TNFRSF1A: variants seen among roughly 807,000 people sequenced by gnomAD.
The protein encoded by TNFRSF1A is TNF receptor superfamily member 1A.
Under a neutral mutation model 41.6 loss-of-function variants are expected in TNFRSF1A, and 9 were observed. The ratio of observed to expected loss-of-function variants is 0.22; its 90% CI spans 0.13 to 0.38. The LOEUF (loss-of-function observed/expected upper bound fraction) is 0.38, where lower values mean the gene tolerates loss of function less well. Ranked by LOEUF, TNFRSF1A falls within the 10% of genes least tolerant of loss-of-function variation. The pLI is 1.00. For synonymous variants in TNFRSF1A, 254 were observed against 248.6 expected (o/e 1.02, Z -0.21); for missense variants, 463 against 591.5 (o/e 0.78, Z 2.25).
intron 1 of TNFRSF1A, among the ~76,000 whole-genome samples, chr12:6,335,224 C>T (rs143351348): frequency 5.9e-5 from 9 of 152,118 alleles, no homozygotes; most frequent in Admixed American, 3.9e-4. Context: ...TACAAACACC[C>T]GGGGTTGGCA....
At position 6,341,682 on chromosome 12, in the gene TNFRSF1A, G is replaced by T; in HGVS notation, c.39+94C>A. On this transcript the variant is annotated intron_variant, in intron 1 of 9. Transcript: ENST00000162749. The surrounding 1 kb of genome is among the most constrained non-coding windows in gnomAD (Gnocchi z 4.6). Reference sequence around the variant, plus strand: ...AGGCTGGCGCCAGGACCAGGCCCGGGCAGGAGAGGCTCGGCCCCCTCCCGG... The same window carrying T: ...AGGCTGGCGCCAGGACCAGGCCCGGTCAGGAGAGGCTCGGCCCCCTCCCGG... 3.4e-6 allele frequency: 5 copies of T among 1,456,100 alleles called. No individual in the cohort carries two copies. The highest frequency in any genetic ancestry group is 2.9e-6 in the Non-Finnish European group (3 of 1,049,038). The allele number at this position is 1,456,100 out of a possible 1,614,324, so 90.2% of individuals were successfully genotyped here.
At position 6,334,185 on chromosome 12, in the gene TNFRSF1A, G is replaced by A. The variant is rs200063423; in HGVS notation, c.99C>T (p.His33=). ...TATCTCTCTTCTCCCTGTCCCCTAG[G>A]TGAGGGACCAGTCCAATAACCCCTG... ...YPSGVIGLVP[H]LGDREKRDSV... is the part of the protein sequence containing the mutation. The change falls in exon 2 of 10, where the codon CAC becomes CAT. Residue 33 remains histidine, a synonymous_variant. Coordinates refer to ENST00000162749, the MANE Select transcript of TNFRSF1A (RefSeq NM_001065.4). The surrounding 1 kb of genome is among the most constrained non-coding windows in gnomAD (Gnocchi z 5.1). 1 of 1,613,920 alleles carries A rather than the reference G, an allele frequency of 6.2e-7. No homozygotes were observed. Among genetic ancestry groups the A allele is most frequent in the Non-Finnish European group, 8.5e-7 (1 of 1,179,934 alleles).
At chr12:6,330,792 G>A (rs56190104) in intron 6 of TNFRSF1A, 61 bp downstream of exon 6, 23 of 1,582,688 alleles carry the variant, frequency 1.5e-5, no homozygotes, top group Admixed American at 8.3e-5. Context: ...ATGGATGGAC[G>A]GGTGGGGGCA....
rs200086305 is a variant in TNFRSF1A at position 6,329,189 on chromosome 12, A to G, written c.*123T>C. 6 of 952,836 alleles carry G rather than the reference A, an allele frequency of 6.3e-6. No individual in the cohort carries two copies. In the African/African-American group the frequency reaches 1.0e-4, roughly 16 times the overall value. 59.0% of individuals were successfully genotyped at this position (952,836 alleles called of 1,614,324 possible). A position where few individuals can be genotyped will look rare whatever the true frequency, so the allele number is the denominator to read the frequency against. On this transcript the variant is annotated 3_prime_UTR_variant, in exon 10 of 10. Transcript: ENST00000162749. ...GAAAAGCTATGTACATCGAGGGGTT[A>G]GCACCAAGTAGGCGGCTGCTAGCTC...
rs202199529 is a variant in TNFRSF1A at position 6,341,931 on chromosome 12, C to T, written c.-117G>A. 1 of 1,110,152 alleles carries T rather than the reference C, an allele frequency of 9.0e-7. No homozygotes were observed. The highest frequency in any genetic ancestry group is 1.4e-6 in the Non-Finnish European group (1 of 734,568). The allele number at this position is 1,110,152 out of a possible 1,614,324, so 68.8% of individuals were successfully genotyped here. On this transcript the variant is annotated 5_prime_UTR_variant, in exon 1 of 10. Transcript: ENST00000162749. This position sits in a 1 kb window ranked among gnomAD's most constrained non-coding sequence, Gnocchi z 4.6. ...GGACGTCCCAAGTGCCTTGGGGTGACAGTTGAGGGTTGAGACTCGGGCATA... is the reference window on the plus strand; with the variant it reads ...GGACGTCCCAAGTGCCTTGGGGTGATAGTTGAGGGTTGAGACTCGGGCATA...
Position 6,333,258 on chromosome 12 carries a change from TC to T in TNFRSF1A, c.472+108del, listed in dbSNP as rs749463891. 1.4e-4 allele frequency: 211 copies of T among 1,553,128 alleles called. 3 individuals carry two copies. The highest frequency in any genetic ancestry group is 4.6e-5 in the Non-Finnish European group (52 of 1,136,360). On this transcript the variant is annotated intron_variant, in intron 4 of 9. Coordinates refer to ENST00000162749, the MANE Select transcript of TNFRSF1A (RefSeq NM_001065.4). The surrounding 1 kb of genome is among the most constrained non-coding windows in gnomAD (Gnocchi z 6.3). ...GGGGCGGCCAGAGAGGAGTTGGTTG[TC>T]AGACCCACAGAATACAGGAGGGGGA...
At chr12:6,332,433 CAA>C (rs34324660) in intron 5 of TNFRSF1A, among the ~76,000 whole-genome samples, 3 of 39,732 alleles carry the variant, frequency 7.6e-5, no homozygotes, top group Non-Finnish European at 1.5e-4. Flanking sequence ...AACCCTGTCT[CAA>C]AAAAAAAAAA....
rs774924117 is a variant in TNFRSF1A, at chr12:6,334,290, A to G, written c.40-46T>C. On this transcript the variant is annotated intron_variant, in intron 1 of 9. Coordinates refer to ENST00000162749, the MANE Select transcript of TNFRSF1A (RefSeq NM_001065.4). This position sits in a 1 kb window ranked among gnomAD's most constrained non-coding sequence, Gnocchi z 5.1. ...GGAGACACCATCAAGAGAGGGAGGG[A>G]TGGGAAGCTTAGGGGTAGCAGATCT... 4 of 1,581,990 alleles carry G rather than the reference A, an allele frequency of 2.5e-6. No homozygotes were observed. The highest frequency in any genetic ancestry group is 3.5e-6 in the Non-Finnish European group (4 of 1,154,966).
At position 6,341,748 on chromosome 12, in the gene TNFRSF1A, C is replaced by T. The variant is rs1948198092; in HGVS notation, c.39+28G>A. On this transcript the variant is annotated intron_variant, in intron 1 of 9. Transcript: ENST00000162749. This position sits in a 1 kb window ranked among gnomAD's most constrained non-coding sequence, Gnocchi z 4.6. Reference sequence around the variant, plus strand: ...GCCGGAAGGTGCCTCGCCCACCAGCCCACTCTTCCCTTTGTCCCTGGTCTC... The same window carrying T: ...GCCGGAAGGTGCCTCGCCCACCAGCTCACTCTTCCCTTTGTCCCTGGTCTC... 6.2e-7 allele frequency: 1 copy of T among 1,613,692 alleles called. No individual in the cohort carries two copies.
chr12:6,331,783 G>A (rs1343593999), intron 5 of TNFRSF1A: 1 of 167,126 alleles, frequency 6.0e-6, no homozygotes, highest in African/African-American at 2.4e-5. Flanking sequence ...AGAGGCAGGT[G>A]GATCACCAGG....
In TNFRSF1A at chr12:6,329,532, T is replaced by C; in HGVS notation, c.1148A>G (p.His383Arg). 1 of 1,594,566 alleles carries C rather than the reference T, an allele frequency of 6.3e-7. No homozygotes were observed. Among genetic ancestry groups the C allele is most frequent in the Non-Finnish European group, 8.5e-7 (1 of 1,177,884 alleles). ...EFVRRLGLSD[H>R]EIDRLELQNG... ...CTGCAGCTCCAGCCGATCGATCTCG[T>C]GGTCGCTCAGCCCTAGGCGCCGCAC... The change falls in exon 10 of 10, where the codon CAC becomes CGC. Residue 383 changes from histidine (H) to arginine (R), a missense_variant. His to Arg is a conservative substitution (Grantham distance 29). This residue lies in a region of TNFRSF1A where 277 missense variants were observed against 288.8 expected (regional missense o/e 0.96). Transcript: ENST00000162749.
Position 6,333,165 on chromosome 12 carries a change from G to A in TNFRSF1A, c.473-18C>T. On this transcript the variant is annotated intron_variant, in intron 4 of 9. Coordinates refer to ENST00000162749, the MANE Select transcript of TNFRSF1A (RefSeq NM_001065.4). The surrounding 1 kb of genome is among the most constrained non-coding windows in gnomAD (Gnocchi z 6.3). ...CTCCTGGCCTGTAGGGAGAAGTGCG[G>A]CACAGCTAAAGGAGAAGCGCCTGCA... The A allele has an allele frequency of 6.2e-7, 1 of 1,613,436 alleles. No homozygotes were observed. Among genetic ancestry groups the A allele is most frequent in the Non-Finnish European group, 8.5e-7 (1 of 1,179,402 alleles).
Position 6,337,086 on chromosome 12 carries a change from C to T in TNFRSF1A, c.40-2842G>A, listed in dbSNP as rs1349791647. On this transcript the variant is annotated intron_variant, in intron 1 of 9. Coordinates refer to ENST00000162749, the MANE Select transcript of TNFRSF1A (RefSeq NM_001065.4). The surrounding 1 kb of genome is among the most constrained non-coding windows in gnomAD (Gnocchi z 4.6). ...CCGGATGGAAGAACCAGCCCTGCTT[C>T]CTAGGCTTCCCCTGGCCCCCAGAAT... 6.6e-6 allele frequency among the ~76,000 whole-genome samples: 1 copy of T among 152,194 alleles called. No homozygotes were observed. The highest frequency in any genetic ancestry group is 2.4e-5 in the African/African-American group (1 of 41,450).
intron 9 of TNFRSF1A, 51 bp from the exon 10 acceptor site, chr12:6,329,673 C>A: frequency 6.5e-7 from 1 of 1,541,014 alleles, no homozygotes; most frequent in East Asian, 2.4e-5. Context: ...AGGCCCCGCC[C>A]CGCATCCCGC....
Position 6,329,411 on chromosome 12 carries a change from G to C in TNFRSF1A, c.1269C>G (p.Arg423=), listed in dbSNP as rs1947998878. The change falls in exon 10 of 10, where the codon CGC becomes CGG. Residue 423 remains arginine, a synonymous_variant. Transcript: ENST00000162749. The part of the protein sequence containing the change: ...RREATLELLG[R]VLRDMDLLGC... ...CCAGCAGGTCCATGTCGCGGAGCAC[G>C]CGTCCCAGCAGCTCCAGCGTGGCCT... 5 of 1,572,682 alleles carry C rather than the reference G, an allele frequency of 3.2e-6. No individual in the cohort carries two copies. The East Asian group carries it at 9.2e-5, about 29-fold the overall frequency.
At position 6,333,428 on chromosome 12, in the gene TNFRSF1A, A is replaced by G. The variant is rs754311657; in HGVS notation, c.411T>C (p.Ser137=). The G allele has an allele frequency of 3.1e-6, 5 of 1,613,920 alleles. No individual in the cohort carries two copies. The highest frequency in any genetic ancestry group is 4.2e-6 in the Non-Finnish European group (5 of 1,179,958). ...CRKNQYRHYW[S]ENLFQCFNCS... ...AATTGAAGCACTGGAAAAGGTTTTC[A>G]CTCCAATAATGCCGGTACTGGTTCT... Residue 137 remains serine (S), a synonymous_variant, in exon 4 of 10, where the codon AGT becomes AGC. Coordinates refer to ENST00000162749, the MANE Select transcript of TNFRSF1A (RefSeq NM_001065.4). This position sits in a 1 kb window ranked among gnomAD's most constrained non-coding sequence, Gnocchi z 6.3.
In TNFRSF1A at chr12:6,341,725, C is replaced by T. The variant is rs772251372; in HGVS notation, c.39+51G>A. ...CCTCCCGGAGAGGGCCCACGCCAGCCGGAAGGTGCCTCGCCCACCAGCCCA... is the reference window on the plus strand; with the variant it reads ...CCTCCCGGAGAGGGCCCACGCCAGCTGGAAGGTGCCTCGCCCACCAGCCCA... On this transcript the variant is annotated intron_variant, in intron 1 of 9. Coordinates refer to ENST00000162749, the MANE Select transcript of TNFRSF1A (RefSeq NM_001065.4). The surrounding 1 kb of genome is among the most constrained non-coding windows in gnomAD (Gnocchi z 4.6). 5.0e-6 allele frequency: 8 copies of T among 1,609,492 alleles called. No individual in the cohort carries two copies. Among genetic ancestry groups the T allele is most frequent in the East Asian group, 4.5e-5 (2 of 44,858 alleles).
rs867442872 is a variant in TNFRSF1A at position 6,329,554 on chromosome 12, G to A, written c.1126C>T (p.Arg376Trp). 1.3e-6 allele frequency: 2 copies of A among 1,592,014 alleles called. No homozygotes were observed. Among genetic ancestry groups the A allele is most frequent in the East Asian group, 2.2e-5 (1 of 44,490 alleles). Reference sequence around the variant, plus strand: ...TCGTGGTCGCTCAGCCCTAGGCGCCGCACGAATTCCTTCCAGCGCAACGGG... The same window carrying A: ...TCGTGGTCGCTCAGCCCTAGGCGCCACACGAATTCCTTCCAGCGCAACGGG... The part of the protein sequence containing the change: ...VPPLRWKEFV[R>W]RLGLSDHEID... The change falls in exon 10 of 10, where the codon CGG (arginine) becomes TGG (tryptophan). Residue 376 changes from arginine (R) to tryptophan (W), a missense_variant. Coordinates refer to ENST00000162749, the MANE Select transcript of TNFRSF1A (RefSeq NM_001065.4).
chr12:6,339,240 C>G (rs2136830678), intron 1 of TNFRSF1A, among the ~76,000 whole-genome samples: 1 of 152,318 alleles, frequency 6.6e-6, no homozygotes, highest in East Asian at 1.9e-4. Flanking sequence ...TATAGCTACC[C>G]TGACAGGCAG....
Sources: allele counts gnomAD v4.1 joint callset (sites outside exome capture counted in the v4.1 genomes callset), GRCh38; gene constraint gnomAD v4.1.1; regional missense constraint gnomAD v4.1.1; non-coding constraint Gnocchi (gnomAD v3.1); transcripts MANE v1.5; gene names NCBI Gene and HGNC (gene_info 2026-07-23, HGNC 2026-07-21).